CCDC171: variants seen among roughly 807,000 people sequenced by gnomAD.
CCDC171 encodes the protein coiled-coil domain containing 171.
Under a neutral mutation model 168.2 loss-of-function variants are expected in CCDC171, and 177 were observed. That is an observed-to-expected ratio of 1.05 (90% CI 0.93 to 1.19). The LOEUF (loss-of-function observed/expected upper bound fraction) is 1.19. CCDC171 is among the 50% of genes most tolerant of loss of function. The probability of loss-of-function intolerance (pLI) is 0.00; values close to 1 mark genes in which losing one functional copy is unlikely to be tolerated. For missense variants in CCDC171, 1,991 were observed against 1,539.0 expected (o/e 1.29, Z -4.91); for synonymous variants, 687 against 540.8 (o/e 1.27, Z -3.75).
chr9:15,848,144 A>C (rs1588833815), intron 22 of CCDC171, among the ~76,000 whole-genome samples: 1 of 151,970 alleles, frequency 6.6e-6, no homozygotes, highest in East Asian at 1.9e-4. Context: ...TATTTTCAAA[A>C]CATTGCTGTT....
chr9:16,000,358 G>A (rs1832504517), intron 3 of CCDC171, among the ~76,000 whole-genome samples: 1 of 152,058 alleles, frequency 6.6e-6, no homozygotes, highest in African/African-American at 2.4e-5. Context: ...CTCTCCCCTT[G>A]AGGCAATGTG....
At chr9:15,577,964 A>C (rs574798130) in intron 3 of CCDC171, among the ~76,000 whole-genome samples, 1 of 152,324 alleles carries the variant, frequency 6.6e-6, no homozygotes, top group East Asian at 1.9e-4. Flanking sequence ...GTTGTCTCTG[A>C]CCTTCTGTCA....
chr9:15,626,771 T>C (rs528541140), intron 7 of CCDC171, among the ~76,000 whole-genome samples: 15 of 152,180 alleles, frequency 9.9e-5, no homozygotes, highest in Non-Finnish European at 1.5e-4. Flanking sequence ...TGGTCTAAAA[T>C]TCTCTTTTTT....
chr9:15,855,646 A>T (rs770843120), intron 23 of CCDC171, among the ~76,000 whole-genome samples: 1 of 151,772 alleles, frequency 6.6e-6, no homozygotes, highest in Non-Finnish European at 1.5e-5. Context: ...TCTGCATTAG[A>T]TAGATCTTTG....
chr9:16,101,964 G>A, the CCDC171 span, among the ~76,000 whole-genome samples: 1 of 152,300 alleles, frequency 6.6e-6, no homozygotes, highest in East Asian at 1.9e-4. Context: ...CCTGAACCAG[G>A]GAAACTTTGA....
At chr9:15,990,182 G>A (rs1589301949) in intron 3 of CCDC171, among the ~76,000 whole-genome samples, 1 of 152,270 alleles carries the variant, frequency 6.6e-6, no homozygotes, top group Non-Finnish European at 1.5e-5. Context: ...CAGAGAGAAA[G>A]GTCGGGTTAC....
chr9:15,554,470 C>T (rs2132356960), intron 1 of CCDC171, among the ~76,000 whole-genome samples: 1 of 152,264 alleles, frequency 6.6e-6, no homozygotes, highest in South Asian at 2.1e-4. Context: ...TAGTTTGTAG[C>T]TTTCTGTGTT....
chr9:15,566,877 C>T (rs1418945247), intron 2 of CCDC171, among the ~76,000 whole-genome samples: 2 of 152,146 alleles, frequency 1.3e-5, no homozygotes, highest in South Asian at 2.1e-4. Flanking sequence ...TGTCTCTTTG[C>T]ATGTGCGTAG....
At chr9:15,918,467 C>G (rs973295305) in intron 24 of CCDC171, among the ~76,000 whole-genome samples, 3 of 149,570 alleles carry the variant, frequency 2.0e-5, no homozygotes, top group African/African-American at 4.9e-5. Flanking sequence ...TTCTGGTCTA[C>G]TATCTCAATG....
At chr9:15,590,765 T>TTCTTTC (rs1202852916) in intron 4 of CCDC171, among the ~76,000 whole-genome samples, 54 of 114,600 alleles carry the variant, frequency 4.7e-4, no homozygotes, top group African/African-American at 1.6e-3. Flanking sequence ...TCTTCTTTCT[T>TTCTTTC]TCTTTCTCTT....
At chr9:15,959,914 CAGAA>C (rs1830180900) in intron 25 of CCDC171, among the ~76,000 whole-genome samples, 2 of 152,118 alleles carry the variant, frequency 1.3e-5, no homozygotes, top group Non-Finnish European at 2.9e-5. Context: ...TTTCAGATGA[CAGAA>C]AGGGAAGGAT....
At position 15,971,758 on chromosome 9, in the gene CCDC171, C is replaced by G. The variant is rs1296234768; in HGVS notation, c.3903C>G (p.Pro1301=). 2 of 1,613,922 alleles carry G rather than the reference C, an allele frequency of 1.2e-6. No homozygotes were observed. Among genetic ancestry groups the G allele is most frequent in the East Asian group, 4.5e-5 (2 of 44,856 alleles). ...AGGAGACATTTATAAATACTGTGCC[C>G]CATGCTCTGACATCATCTCACTCCT... ...FLKETFINTV[P]HALTSSHSSP... is the part of the protein sequence containing the mutation. The change falls in exon 26 of 26, where the codon CCC becomes CCG. Residue 1301 remains proline, a synonymous_variant. Transcript: ENST00000380701.
At chr9:15,610,631 A>AAAAAAAAC (rs1295517829) in intron 6 of CCDC171, among the ~76,000 whole-genome samples, 1 of 151,292 alleles carries the variant, frequency 6.6e-6, no homozygotes. Context: ...TCTGTCTAAA[A>AAAAAAAAC]AAAAAAACAA....
chr9:15,988,864 G>A (rs115250698), intron 3 of CCDC171, among the ~76,000 whole-genome samples: 6,955 of 152,210 alleles, frequency 0.046, 532 homozygotes, highest in African/African-American at 0.16. Context: ...AGTGCAAAGC[G>A]GCAGCAGGGC....
At chr9:15,991,141 T>A (rs182462084) in intron 3 of CCDC171, among the ~76,000 whole-genome samples, 129 of 152,222 alleles carry the variant, frequency 8.5e-4, no homozygotes, top group African/African-American at 3.0e-3. Context: ...CAGCACCACA[T>A]CGCACTTATT....
chr9:15,743,701 A>G (rs2055056810), intron 16 of CCDC171, among the ~76,000 whole-genome samples: 1 of 152,238 alleles, frequency 6.6e-6, no homozygotes, highest in Non-Finnish European at 1.5e-5. Context: ...TGCACTGTGT[A>G]TAGCTTTCTG....
the CCDC171 span, among the ~76,000 whole-genome samples, chr9:16,078,018 CAA>C: frequency 2.7e-5 from 4 of 150,430 alleles, no homozygotes; most frequent in East Asian, 5.9e-4. Context: ...TGAAATTTGC[CAA>C]GAGAGTAGAT....
chr9:16,048,847 T>A (rs1833704616), intron 1 of CCDC171, among the ~76,000 whole-genome samples: 1 of 151,398 alleles, frequency 6.6e-6, no homozygotes, highest in Non-Finnish European at 1.5e-5. Flanking sequence ...GTAAACGCTG[T>A]GGACAGGCAG....
At chr9:15,892,647 C>T (rs755155054) in intron 24 of CCDC171, among the ~76,000 whole-genome samples, 8 of 151,758 alleles carry the variant, frequency 5.3e-5, no homozygotes, top group African/African-American at 1.5e-4. Flanking sequence ...ACAGGCAAGC[C>T]GAAAGTCAAA....
Sources: gnomAD v4.1 joint callset for allele counts (sites outside exome capture counted in the v4.1 genomes callset) on GRCh38, gnomAD v4.1.1 for gene constraint, MANE v1.5 for transcripts, NCBI Gene and HGNC (gene_info 2026-07-23, HGNC 2026-07-21) for gene names.